GRIK1: variants seen among roughly 807,000 people sequenced by gnomAD.
GRIK1 encodes glutamate ionotropic receptor kainate type subunit 1.
In GRIK1, 69 loss-of-function variants were observed where a neutral mutation model predicts 105.7. The observed-to-expected ratio is 0.65, with a 90% confidence interval of 0.54 to 0.80. The LOEUF is 0.80. Among genes scored for constraint, GRIK1 ranks in the 30% least tolerant of loss-of-function variants. The pLI is 0.00. For missense variants in GRIK1, 1,109 were observed against 1,167.3 expected, an observed-to-expected ratio of 0.95 and a Z score of 0.73; for synonymous variants, 438 against 431.3, an observed-to-expected ratio of 1.02 and a Z score of -0.19.
At chr21:29,763,064 G>A (rs1181948095) in intron 1 of GRIK1, among the ~76,000 whole-genome samples, 1 of 152,150 alleles carries the variant, frequency 6.6e-6, no homozygotes, top group Non-Finnish European at 1.5e-5. Context: ...GACTGATATG[G>A]TTTGACTCTG....
intron 14 of GRIK1, among the ~76,000 whole-genome samples, chr21:29,576,259 G>A (rs2090890701): frequency 1.3e-5 from 2 of 152,124 alleles, no homozygotes. Flanking sequence ...TCCTCCAAAA[G>A]CGAGGCAGAA....
intron 3 of GRIK1, among the ~76,000 whole-genome samples, chr21:29,682,933 CA>C (rs147274210): frequency 6.0e-5 from 9 of 150,742 alleles, no homozygotes; most frequent in Non-Finnish European, 1.0e-4. Flanking sequence ...CATCAACAAA[CA>C]AAAAAAAACC....
intron 1 of GRIK1, among the ~76,000 whole-genome samples, chr21:29,874,876 T>C (rs2069137124): frequency 6.6e-6 from 1 of 152,216 alleles, no homozygotes; most frequent in Non-Finnish European, 1.5e-5. Flanking sequence ...TGTTGATTCA[T>C]GATTACATTT....
At chr21:29,888,425 C>A (rs549704352) in intron 1 of GRIK1, among the ~76,000 whole-genome samples, 2 of 150,926 alleles carry the variant, frequency 1.3e-5, no homozygotes, top group Admixed American at 6.6e-5. Context: ...CCACCATGCC[C>A]AGCTAATTTT....
intron 1 of GRIK1, among the ~76,000 whole-genome samples, chr21:29,906,769 T>G (rs1329397248): frequency 6.6e-6 from 1 of 152,166 alleles, no homozygotes; most frequent in Non-Finnish European, 1.5e-5. Context: ...TAGGCTCATG[T>G]TCTTGAATTA....
intron 7 of GRIK1, among the ~76,000 whole-genome samples, chr21:29,632,309 C>T (rs1054001150): frequency 1.3e-5 from 2 of 152,004 alleles, no homozygotes; most frequent in Non-Finnish European, 2.9e-5. Flanking sequence ...TTCTTTGCTC[C>T]TGATTGCATT....
At chr21:29,928,723 C>T (rs1243120577) in intron 1 of GRIK1, among the ~76,000 whole-genome samples, 1 of 152,150 alleles carries the variant, frequency 6.6e-6, no homozygotes, top group African/African-American at 2.4e-5. Flanking sequence ...GAGTGAGCCA[C>T]ATGGGGCTGC....
At chr21:29,537,709 A>AG in intron 17 of GRIK1, 89 bp downstream of exon 17, 1 of 800,118 alleles carries the variant, frequency 1.2e-6, no homozygotes, top group East Asian at 2.4e-5. Context: ...AGTTAAATTA[A>AG]GTCATTTCCC....
intron 1 of GRIK1, among the ~76,000 whole-genome samples, chr21:29,695,662 A>G (rs2063687963): frequency 6.6e-6 from 1 of 152,082 alleles, no homozygotes; most frequent in South Asian, 2.1e-4. Context: ...TTTAGTAGAT[A>G]TGGAGATTCA....
intron 1 of GRIK1, among the ~76,000 whole-genome samples, chr21:29,937,421 C>T (rs1298837977): frequency 2.6e-5 from 4 of 152,152 alleles, no homozygotes; most frequent in East Asian, 3.9e-4. Context: ...AAAAGAAAAC[C>T]TCATTATCTT....
intron 1 of GRIK1, among the ~76,000 whole-genome samples, chr21:29,938,381 G>A (rs555752457): frequency 6.6e-6 from 1 of 152,330 alleles, no homozygotes; most frequent in African/African-American, 2.4e-5. Context: ...TAAGAAGCCC[G>A]ATGGGTTGGG....
At chr21:29,664,306 T>C (rs898101747) in intron 4 of GRIK1, among the ~76,000 whole-genome samples, 3 of 152,172 alleles carry the variant, frequency 2.0e-5, no homozygotes, top group African/African-American at 7.2e-5. Context: ...GTTCTAAGAA[T>C]TGTATCACAC....
At chr21:29,589,704 GT>G (rs1205549072) in intron 10 of GRIK1, among the ~76,000 whole-genome samples, 1 of 152,114 alleles carries the variant, frequency 6.6e-6, no homozygotes, top group Non-Finnish European at 1.5e-5. Context: ...GACTACCGGT[GT>G]GAGCCACCAA....
At chr21:29,613,064 T>C (rs1420922354) in intron 7 of GRIK1, among the ~76,000 whole-genome samples, 2 of 152,160 alleles carry the variant, frequency 1.3e-5, no homozygotes, top group Non-Finnish European at 2.9e-5. Flanking sequence ...CAAGCTTCAT[T>C]TGCAAAAATT....
intron 1 of GRIK1, among the ~76,000 whole-genome samples, chr21:29,745,739 T>G (rs403305): frequency 0.74 from 112,693 of 152,140 alleles, 44,968 homozygotes; most frequent in South Asian, 0.89. Flanking sequence ...AGTGGGTCCA[T>G]GAAACACAAA....
chr21:29,760,160 A>C (rs1215260291), intron 1 of GRIK1: 2 of 152,228 alleles, frequency 1.3e-5, no homozygotes, highest in Admixed American at 1.3e-4. Context: ...TTTCTTCCTA[A>C]CATGTTGACT....
chr21:29,556,275 T>G (rs771605530), intron 15 of GRIK1, among the ~76,000 whole-genome samples: 1 of 152,234 alleles, frequency 6.6e-6, no homozygotes, highest in Non-Finnish European at 1.5e-5. Context: ...TTAATATGTA[T>G]GTTTAGCCAA....
intron 1 of GRIK1, among the ~76,000 whole-genome samples, chr21:29,720,753 T>C (rs1448809020): frequency 6.6e-6 from 1 of 152,112 alleles, no homozygotes; most frequent in Non-Finnish European, 1.5e-5. Flanking sequence ...CCCAGAAATG[T>C]TGTTACAATT....
chr21:29,716,175 C>A (rs1490471992), intron 1 of GRIK1, among the ~76,000 whole-genome samples: 3 of 152,166 alleles, frequency 2.0e-5, no homozygotes, highest in Non-Finnish European at 2.9e-5. Flanking sequence ...GCCTCCCCAA[C>A]CATGCTGCAC....
Sources: allele counts gnomAD v4.1 joint callset (sites outside exome capture counted in the v4.1 genomes callset), GRCh38; gene constraint gnomAD v4.1.1; transcripts MANE v1.5; gene names NCBI Gene and HGNC (gene_info 2026-07-23, HGNC 2026-07-21).